DMRT1: variants seen among roughly 807,000 people sequenced by gnomAD.
DMRT1 encodes doublesex- and mab-3-related transcription factor 1.
Under a neutral mutation model 32.3 loss-of-function variants are expected in DMRT1, and 7 were observed. The ratio of observed to expected loss-of-function variants is 0.22; its 90% confidence interval spans 0.12 to 0.41. DMRT1 has a LOEUF of 0.41. Ranked by LOEUF, DMRT1 falls within the 10% of genes least tolerant of loss-of-function variation. The pLI is 1.00. For missense variants in DMRT1, 625 were observed against 500.5 expected (o/e 1.25, Z -2.37); for synonymous variants, 278 against 206.1 (o/e 1.35, Z -2.99).
At chr9:855,794 T>C (rs1009508233) in intron 2 of DMRT1, among the ~76,000 whole-genome samples, 2 of 152,164 alleles carry the variant, frequency 1.3e-5, no homozygotes, top group Admixed American at 6.5e-5. Context: ...ATTTTAAATA[T>C]TTTTATAGAG....
At chr9:888,092 A>T (rs80133501) in intron 2 of DMRT1, among the ~76,000 whole-genome samples, 1,675 of 152,332 alleles carry the variant, frequency 0.011, 23 homozygotes, top group African/African-American at 0.039. Context: ...ATGCCTGACA[A>T]ATAGTAGGTG....
chr9:859,049 A>G lies in DMRT1; in HGVS notation c.538+11906A>G, dbSNP rs73639439. On this transcript the variant is annotated intron_variant, in intron 2 of 4. Coordinates refer to ENST00000382276, the MANE Select transcript of DMRT1 (RefSeq NM_021951.3). ...TTCCCATTTACCCCTCTCATGAACT[A>G]ACTTATGACTGAGGCCAGTCTCTTA... Among the ~76,000 whole-genome samples the G allele has an allele frequency of 3.3e-3, 500 of 152,078 alleles. 1 individual carries two copies. Among genetic ancestry groups the G allele is most frequent in the African/African-American group, 0.011 (472 of 41,474 alleles).
chr9:903,591 C>T (rs768891473), intron 3 of DMRT1, among the ~76,000 whole-genome samples: 14 of 152,142 alleles, frequency 9.2e-5, no homozygotes, highest in Non-Finnish European at 1.8e-4. Flanking sequence ...AGCCAAAGCT[C>T]AGGGAGGGTG....
At chr9:854,831 T>C (rs10815879) in intron 2 of DMRT1, among the ~76,000 whole-genome samples, 50,236 of 145,330 alleles carry the variant, frequency 0.35, 11,657 homozygotes, top group Non-Finnish European at 0.48. Flanking sequence ...AGTGGCATAA[T>C]CTCGGCTCAC....
intron 3 of DMRT1, among the ~76,000 whole-genome samples, chr9:897,475 G>A (rs943986087): frequency 2.6e-5 from 4 of 151,714 alleles, no homozygotes; most frequent in Non-Finnish European, 5.9e-5. Context: ...ACGTATAAAG[G>A]AAATGCAATG....
At chr9:851,426 A>AGT (rs61615500) in intron 2 of DMRT1, among the ~76,000 whole-genome samples, 21,379 of 151,904 alleles carry the variant, frequency 0.14, 1,843 homozygotes, top group East Asian at 0.42. Context: ...TTTAGTAGAG[A>AGT]CAGAGTTTCA....
chr9:894,361 C>G, intron 3 of DMRT1, 166 bp downstream of exon 3: 1 of 723,180 alleles, frequency 1.4e-6, no homozygotes, highest in Non-Finnish European at 2.4e-6. Flanking sequence ...ATTTTGCACA[C>G]ATGTAGGCAC....
chr9:942,724 C>T (rs1819117469), intron 4 of DMRT1, among the ~76,000 whole-genome samples: 5 of 152,028 alleles, frequency 3.3e-5, no homozygotes, highest in African/African-American at 1.2e-4. Context: ...TCCAGAGGTT[C>T]GTTGGTTTTA....
At chr9:906,850 G>A (rs772787528) in intron 3 of DMRT1, among the ~76,000 whole-genome samples, 25 of 152,302 alleles carry the variant, frequency 1.6e-4, no homozygotes, top group African/African-American at 5.3e-4. Flanking sequence ...TCTCAGAAGC[G>A]TCTGAGGTGA....
At chr9:936,734 A>G (rs1818898830) in intron 4 of DMRT1, among the ~76,000 whole-genome samples, 1 of 150,052 alleles carries the variant, frequency 6.7e-6, no homozygotes, top group South Asian at 2.1e-4. Flanking sequence ...AGCCTGGGCA[A>G]CAGAGCAAAA....
Position 960,449 on chromosome 9 carries a change from G to A in DMRT1, c.968-7536G>A, listed in dbSNP as rs113913625. Among the ~76,000 whole-genome samples, 980 of 152,360 alleles carry A rather than the reference G, an allele frequency of 6.4e-3. 7 individuals carry two copies. The highest frequency in any genetic ancestry group is 0.01 in the Non-Finnish European group (699 of 68,028). On this transcript the variant is annotated intron_variant, in intron 4 of 4. Coordinates refer to ENST00000382276, the MANE Select transcript of DMRT1 (RefSeq NM_021951.3). ...TGGAGAAGAGTATAGGCTTCTGCCA[G>A]AGGAGAGGGGACAGAAAATAATGAG...
At chr9:875,390 C>T (rs2370215) in intron 2 of DMRT1, among the ~76,000 whole-genome samples, 117,693 of 151,992 alleles carry the variant, frequency 0.77, 45,820 homozygotes, top group East Asian at 0.86. Context: ...TTTGTCCTTC[C>T]CTGACACAGG....
chr9:865,674 A>C (rs552144683), intron 2 of DMRT1, among the ~76,000 whole-genome samples: 1 of 152,278 alleles, frequency 6.6e-6, no homozygotes, highest in East Asian at 1.9e-4. Flanking sequence ...GGTGAGGATT[A>C]CATAACCCAT....
Position 878,927 on chromosome 9 carries a change from C to G in DMRT1, c.539-14985C>G, listed in dbSNP as rs558224586. 5.9e-5 allele frequency among the ~76,000 whole-genome samples: 9 copies of G among 152,260 alleles called. No individual in the cohort carries two copies. In the South Asian group the frequency reaches 1.5e-3, roughly 25 times the overall value. On this transcript the variant is annotated intron_variant, in intron 2 of 4. Transcript: ENST00000382276. ...CATGGCATTAGATTTCAGATCCGAT[C>G]AATTACTTTTGCTTGGGACCAGTGC...
intron 4 of DMRT1, among the ~76,000 whole-genome samples, chr9:966,415 T>C (rs1819932106): frequency 6.6e-6 from 1 of 152,230 alleles, no homozygotes; most frequent in African/African-American, 2.4e-5. Flanking sequence ...ATTTACCTTA[T>C]TAAAGACTAA....
intron 2 of DMRT1, among the ~76,000 whole-genome samples, chr9:881,732 G>T (rs192767898): frequency 6.6e-6 from 1 of 152,346 alleles, no homozygotes; most frequent in East Asian, 1.9e-4. Flanking sequence ...TTCAAGAAGG[G>T]ATTCTCTGTA....
intron 3 of DMRT1, among the ~76,000 whole-genome samples, chr9:908,496 T>A (rs902701339): frequency 2.0e-5 from 3 of 152,122 alleles, no homozygotes; most frequent in Admixed American, 1.3e-4. Context: ...GAATTTCTCT[T>A]CCATGCCCTC....
chr9:940,686 A>G (rs905250593), intron 4 of DMRT1, among the ~76,000 whole-genome samples: 19 of 152,206 alleles, frequency 1.2e-4, no homozygotes, highest in African/African-American at 4.3e-4. Context: ...ACAAAAGGAA[A>G]AAAAAATTGG....
At chr9:930,436 G>T (rs571487407) in intron 4 of DMRT1, among the ~76,000 whole-genome samples, 43 of 151,852 alleles carry the variant, frequency 2.8e-4, no homozygotes, top group African/African-American at 9.7e-4. Context: ...TTTTGAGACG[G>T]AGTTTCGCTC....
Sources: allele counts gnomAD v4.1 joint callset (sites outside exome capture counted in the v4.1 genomes callset), GRCh38; gene constraint gnomAD v4.1.1; transcripts MANE v1.5; gene names NCBI Gene and HGNC (gene_info 2026-07-23, HGNC 2026-07-21).